The following RBFOX1 variants were observed in gnomAD, a reference collection of about 807,000 sequenced individuals.
The protein encoded by RBFOX1 is RNA binding fox-1 homolog 1.
Under a neutral mutation model 57.7 loss-of-function variants are expected in RBFOX1, and 8 were observed. The ratio of observed to expected loss-of-function variants is 0.14; its 90% CI spans 0.08 to 0.25. The LOEUF is 0.25. Among genes scored for constraint, RBFOX1 ranks in the 10% least tolerant of loss-of-function variants. RBFOX1 has a pLI of 1.00. For synonymous variants in RBFOX1, 326 were observed against 222.4 expected (o/e 1.47, Z -4.15); for missense variants, 611 against 548.5 (o/e 1.11, Z -1.14).
chr16:7,655,963 C>T (rs1446726974), intron 12 of RBFOX1, among the ~76,000 whole-genome samples: 1 of 152,120 alleles, frequency 6.6e-6, no homozygotes, highest in Non-Finnish European at 1.5e-5. Flanking sequence ...CCATGTTTCA[C>T]CAGGGAGAGA....
chr16:5,617,164 C>G (rs1335316084), intron 3 of RBFOX1, among the ~76,000 whole-genome samples: 1 of 151,788 alleles, frequency 6.6e-6, no homozygotes, highest in African/African-American at 2.4e-5. Context: ...ACAGATTTAA[C>G]AAATGCATTT....
At chr16:7,091,951 C>G (rs143743533) in intron 4 of RBFOX1, among the ~76,000 whole-genome samples, 1 of 152,048 alleles carries the variant, frequency 6.6e-6, no homozygotes, top group Non-Finnish European at 1.5e-5. Flanking sequence ...CAACATCTGC[C>G]CATTTTGTTT....
intron 3 of RBFOX1, among the ~76,000 whole-genome samples, chr16:6,861,322 G>A (rs2067274276): frequency 6.6e-6 from 1 of 152,050 alleles, no homozygotes; most frequent in Non-Finnish European, 1.5e-5. Context: ...GCATTGTCTT[G>A]GTAAGATTGT....
At chr16:6,020,693 C>T (rs1009420976) in intron 1 of RBFOX1, among the ~76,000 whole-genome samples, 1 of 147,622 alleles carries the variant, frequency 6.8e-6, no homozygotes, top group African/African-American at 2.5e-5. Context: ...TGTTGTTGTG[C>T]AGGCCAGGGG....
At chr16:6,414,197 T>C (rs2093556044) in intron 2 of RBFOX1, among the ~76,000 whole-genome samples, 1 of 152,172 alleles carries the variant, frequency 6.6e-6, no homozygotes, top group African/African-American at 2.4e-5. Flanking sequence ...TTCCATTTTG[T>C]GAAGAACCTT....
chr16:5,613,923 A>G (rs1003657110), intron 3 of RBFOX1, among the ~76,000 whole-genome samples: 2 of 124,214 alleles, frequency 1.6e-5, no homozygotes, highest in Non-Finnish European at 3.1e-5. Flanking sequence ...ATTTCCTTGG[A>G]CTTTTTTTTT....
intron 4 of RBFOX1, among the ~76,000 whole-genome samples, chr16:7,155,906 G>A (rs1242014915): frequency 6.6e-6 from 1 of 151,120 alleles, no homozygotes; most frequent in Non-Finnish European, 1.5e-5. Flanking sequence ...TCTATAACTG[G>A]ACATTAAATC....
chr16:6,268,149 C>G (rs1392854164), intron 1 of RBFOX1, among the ~76,000 whole-genome samples: 1 of 152,306 alleles, frequency 6.6e-6, no homozygotes, highest in South Asian at 2.1e-4. Flanking sequence ...GCATGTTCTT[C>G]CAGCTACCTT....
intron 3 of RBFOX1, among the ~76,000 whole-genome samples, chr16:6,843,543 T>C (rs1250428211): frequency 6.6e-6 from 1 of 151,702 alleles, no homozygotes; most frequent in East Asian, 1.9e-4. Flanking sequence ...AAAAAAATTA[T>C]CTAGGCATGG....
chr16:6,256,285 GTGTATATATATATGTA>G (rs1567789014), intron 1 of RBFOX1, among the ~76,000 whole-genome samples: 1,603 of 114,184 alleles, frequency 0.014, 45 homozygotes, highest in African/African-American at 0.063. Context: ...ATATATATGT[GTGTATATATATATGTA>G]TATATATATA....
intron 4 of RBFOX1, among the ~76,000 whole-genome samples, chr16:5,986,490 G>T (rs1596348563): frequency 6.6e-6 from 1 of 152,144 alleles, no homozygotes; most frequent in East Asian, 1.9e-4. Context: ...TTAAGATATC[G>T]AATCATTCCA....
intron 3 of RBFOX1, among the ~76,000 whole-genome samples, chr16:6,842,868 G>C (rs1420213446): frequency 6.6e-6 from 1 of 152,024 alleles, no homozygotes; most frequent in South Asian, 2.1e-4. Context: ...TCCCCTCCCT[G>C]TGTCCATGTG....
chr16:7,016,094 T>A (rs2093896880), intron 3 of RBFOX1, among the ~76,000 whole-genome samples: 1 of 152,172 alleles, frequency 6.6e-6, no homozygotes, highest in East Asian at 1.9e-4. Context: ...CAATGAATTG[T>A]AGGCTTAGTA....
At chr16:5,541,224 T>C (rs2044937546) in intron 2 of RBFOX1, among the ~76,000 whole-genome samples, 2 of 152,102 alleles carry the variant, frequency 1.3e-5, no homozygotes, top group African/African-American at 4.8e-5. Context: ...GAGTAGAGAA[T>C]AAAGCCTCGA....
intron 2 of RBFOX1, among the ~76,000 whole-genome samples, chr16:6,653,345 A>G (rs1303902684): frequency 6.6e-6 from 1 of 152,178 alleles, no homozygotes. Context: ...AAGCATCACC[A>G]GGGCGGGCCT....
Position 6,299,991 on chromosome 16 carries a change from A to G in RBFOX1, c.-126-17004A>G, listed in dbSNP as rs1188686261. 3.9e-5 allele frequency among the ~76,000 whole-genome samples: 6 copies of G among 152,322 alleles called. No individual in the cohort carries two copies. In the East Asian group the frequency reaches 1.2e-3, roughly 29 times the overall value. Reference sequence around the variant, plus strand: ...AGCACCTACCTAACTCACATGTACAATGGGATACCATTCAGCTTCAAAAGA... The same window carrying G: ...AGCACCTACCTAACTCACATGTACAGTGGGATACCATTCAGCTTCAAAAGA... On this transcript the variant is annotated intron_variant, in intron 1 of 15. Coordinates refer to ENST00000550418, the MANE Select transcript of RBFOX1 (RefSeq NM_018723.4).
chr16:7,064,203 A>C (rs1047840399), intron 4 of RBFOX1, among the ~76,000 whole-genome samples: 1 of 117,256 alleles, frequency 8.5e-6, no homozygotes, highest in African/African-American at 3.4e-5. Flanking sequence ...GAGTCTCACT[A>C]TGTGGCCTAG....
Position 7,277,708 on chromosome 16 carries a change from A to G in RBFOX1, c.27+225610A>G, listed in dbSNP as rs113940755. Reference sequence around the variant, plus strand: ...GATACCCATCGAAAAATCAAAGCCAAGGACTTCTATAGGCACAGAATGGTC... The same window carrying G: ...GATACCCATCGAAAAATCAAAGCCAGGGACTTCTATAGGCACAGAATGGTC... On this transcript the variant is annotated intron_variant, in intron 4 of 15. Transcript: ENST00000550418. Among the ~76,000 whole-genome samples, 557 of 152,328 alleles carry G rather than the reference A, an allele frequency of 3.7e-3. 5 individuals carry two copies. Among genetic ancestry groups the G allele is most frequent in the African/African-American group, 0.013 (530 of 41,574 alleles).
intron 4 of RBFOX1, among the ~76,000 whole-genome samples, chr16:7,263,005 T>G (rs2094979822): frequency 6.6e-6 from 1 of 152,018 alleles, no homozygotes; most frequent in Non-Finnish European, 1.5e-5. Context: ...AGGAAAGGAG[T>G]TTGTGCAGAC....
Sources: allele counts gnomAD v4.1 joint callset (sites outside exome capture counted in the v4.1 genomes callset), GRCh38; gene constraint gnomAD v4.1.1; transcripts MANE v1.5; gene names NCBI Gene and HGNC (gene_info 2026-07-23, HGNC 2026-07-21).